The following EYS variants were observed in gnomAD, a reference collection of about 807,000 sequenced individuals.
EYS encodes EGF-like photoreceptor maintenance factor, also known as protein eyes shut homolog.
A neutral mutation model predicts 282.1 loss-of-function variants in EYS; 250 were observed. The ratio of observed to expected loss-of-function variants is 0.89; its 90% CI spans 0.80 to 0.98. The LOEUF (loss-of-function observed/expected upper bound fraction) is 0.98. Among genes scored for constraint, EYS ranks in the 50% least tolerant of loss-of-function variants. EYS has a pLI of 0.00. For synonymous variants in EYS, 1,355 were observed against 1,282.9 expected, an observed-to-expected ratio of 1.06 and a Z score of -1.20; for missense variants, 4,016 against 3,709.0, an observed-to-expected ratio of 1.08 and a Z score of -2.15.
intron 1 of EYS, among the ~76,000 whole-genome samples, chr6:65,685,566 A>C (rs1428421690): frequency 6.6e-6 from 1 of 152,032 alleles, no homozygotes; most frequent in Non-Finnish European, 1.5e-5. Context: ...GTATTTTCCT[A>C]TTTATATCAC....
intron 35 of EYS, among the ~76,000 whole-genome samples, chr6:63,969,838 A>T (rs1253819759): frequency 6.6e-6 from 1 of 152,152 alleles, no homozygotes; most frequent in Admixed American, 6.5e-5. Context: ...TCTCTGTTGT[A>T]GTCTCTCTCT....
At chr6:64,275,671 A>C (rs372532942) in intron 30 of EYS, among the ~76,000 whole-genome samples, 5 of 150,554 alleles carry the variant, frequency 3.3e-5, no homozygotes, top group African/African-American at 1.2e-4. Context: ...GTGCCTTATT[A>C]CCTGGCCAGG....
chr6:64,797,624 A>T, intron 22 of EYS, among the ~76,000 whole-genome samples: 1 of 152,204 alleles, frequency 6.6e-6, no homozygotes, highest in East Asian at 1.9e-4. Flanking sequence ...GATTATACTT[A>T]TAAAATAAAG....
intron 1 of EYS, among the ~76,000 whole-genome samples, chr6:65,689,754 T>C (rs141914960): frequency 0.01 from 1,514 of 149,998 alleles, 59 homozygotes; most frequent in Non-Finnish European, 0.014. Flanking sequence ...ATTTGTTACA[T>C]AGGTATACAT....
intron 29 of EYS, among the ~76,000 whole-genome samples, chr6:64,353,290 A>C (rs1168224059): frequency 2.6e-5 from 4 of 151,578 alleles, no homozygotes. Flanking sequence ...GTCCAAATGC[A>C]CTAGGAGTTG....
At chr6:64,143,923 T>TA (rs143743501) in intron 31 of EYS, among the ~76,000 whole-genome samples, 3,067 of 151,414 alleles carry the variant, frequency 0.02, 82 homozygotes, top group African/African-American at 0.063. Context: ...GGGTATCCCC[T>TA]TTTGAGCAGG....
intron 22 of EYS, among the ~76,000 whole-genome samples, chr6:64,763,713 A>C (rs1283331744): frequency 6.6e-6 from 1 of 152,194 alleles, no homozygotes; most frequent in Non-Finnish European, 1.5e-5. Flanking sequence ...CATCTGAGAC[A>C]AAACAAATCC....
At chr6:64,164,299 C>T (rs1775199932) in intron 31 of EYS, among the ~76,000 whole-genome samples, 1 of 151,994 alleles carries the variant, frequency 6.6e-6, no homozygotes, top group Non-Finnish European at 1.5e-5. Context: ...TATAGCTTTG[C>T]TACAGCTTAA....
At chr6:64,536,027 G>A (rs1245799807) in intron 26 of EYS, among the ~76,000 whole-genome samples, 1 of 151,788 alleles carries the variant, frequency 6.6e-6, no homozygotes, top group Admixed American at 6.6e-5. Context: ...ATGAGAATAT[G>A]AATTTTTAAA....
At chr6:64,406,376 C>G (rs1257030463) in intron 28 of EYS, among the ~76,000 whole-genome samples, 1 of 152,160 alleles carries the variant, frequency 6.6e-6, no homozygotes, top group Non-Finnish European at 1.5e-5. Flanking sequence ...AAAACCTAGG[C>G]AGTATCATTC....
intron 26 of EYS, among the ~76,000 whole-genome samples, chr6:64,492,853 A>T (rs1017555576): frequency 3.3e-5 from 5 of 151,338 alleles, no homozygotes; most frequent in African/African-American, 1.2e-4. Context: ...GGTCAAACTG[A>T]ATGTTTCAGT....
rs532381322 is a variant in EYS at position 65,640,970 on chromosome 6, G to A, written c.-447-1078C>T. Among the ~76,000 whole-genome samples, 77 of 151,922 alleles carry A rather than the reference G, an allele frequency of 5.1e-4. 1 individual carries two copies. Among genetic ancestry groups the A allele is most frequent in the African/African-American group, 1.8e-3 (75 of 41,414 alleles). ...CTCTTAGGACTTCTGTTGAAATAAT[G>A]TTACATTTTCTCACTCTGTCCTGTA... On this transcript the variant is annotated intron_variant, in intron 1 of 42. Coordinates refer to ENST00000503581, the MANE Select transcript of EYS (RefSeq NM_001142800.2).
At chr6:65,092,654 A>T (rs1037456831) in intron 12 of EYS, among the ~76,000 whole-genome samples, 2 of 152,190 alleles carry the variant, frequency 1.3e-5, no homozygotes, top group African/African-American at 4.8e-5. Context: ...CCGTGATAGC[A>T]TATAGTCATC....
At chr6:64,469,305 G>A (rs537310460) in intron 26 of EYS, among the ~76,000 whole-genome samples, 23 of 152,240 alleles carry the variant, frequency 1.5e-4, no homozygotes, top group African/African-American at 5.5e-4. Context: ...AGGTGCCGAG[G>A]CAGGAGACCG....
intron 12 of EYS, among the ~76,000 whole-genome samples, chr6:65,288,382 A>C (rs1233223659): frequency 6.6e-6 from 1 of 150,656 alleles, no homozygotes; most frequent in African/African-American, 2.4e-5. Flanking sequence ...TTAAAAAAAT[A>C]TAGGAATGGA....
intron 22 of EYS, among the ~76,000 whole-genome samples, chr6:64,658,557 A>C (rs949972830): frequency 2.6e-5 from 4 of 152,224 alleles, no homozygotes; most frequent in African/African-American, 9.6e-5. Context: ...TCTGTTTGTC[A>C]GTTTTTCTTC....
chr6:64,591,783 C>T lies in EYS; in HGVS notation c.4084G>A (p.Val1362Ile), dbSNP rs1766419977. The T allele has an allele frequency of 6.4e-7, 1 of 1,551,150 alleles. No homozygotes were observed. The highest frequency in any genetic ancestry group is 1.2e-5 in the South Asian group (1 of 84,044). Residue 1362 changes from valine (V) to isoleucine (I), a missense_variant, in exon 26 of 43, where the codon GTC (valine) becomes ATC (isoleucine). Val to Ile is a conservative substitution (Grantham distance 29, BLOSUM62 3). Coordinates refer to ENST00000503581, the MANE Select transcript of EYS (RefSeq NM_001142800.2). ...NFGIRDPAQI[V>I]QDKTSVSHMP... ...TGTGATACCGATGTTTTGTCCTGGA[C>T]AATTTGTGCTGGGTCACGAATACCA...
intron 36 of EYS, chr6:63,857,730 A>AT (rs1260180736): frequency 2.6e-6 from 1 of 383,268 alleles, no homozygotes; most frequent in East Asian, 6.5e-5. Context: ...CAATGCTTTG[A>AT]TGAGCATCTG....
chr6:64,360,050 T>C (rs922794244), intron 29 of EYS, among the ~76,000 whole-genome samples: 1 of 151,704 alleles, frequency 6.6e-6, no homozygotes, highest in Non-Finnish European at 1.5e-5. Flanking sequence ...ATTCTCTGAA[T>C]AGGGGTCAAA....
Sources: allele counts gnomAD v4.1 joint callset (sites outside exome capture counted in the v4.1 genomes callset), GRCh38; gene constraint gnomAD v4.1.1; transcripts MANE v1.5; gene names NCBI Gene and HGNC (gene_info 2026-07-23, HGNC 2026-07-21).